AUH: variants seen among roughly 807,000 people sequenced by gnomAD.
AUH encodes the protein AU RNA binding methylglutaconyl-CoA hydratase.
AUH carries 29 observed loss-of-function variants against 42.3 expected under a neutral mutation model. The ratio of observed to expected loss-of-function variants is 0.69; its 90% CI spans 0.51 to 0.93. The LOEUF (loss-of-function observed/expected upper bound fraction) is 0.93. AUH is among the 40% of genes least tolerant of loss of function. The pLI, the probability that AUH is intolerant of heterozygous loss-of-function variation, is 0.00. For missense variants in AUH, 452 were observed against 438.1 expected, an observed-to-expected ratio of 1.03 and a Z score of -0.28; for synonymous variants, 174 against 166.4, an observed-to-expected ratio of 1.05 and a Z score of -0.35.
intron 4 of AUH, among the ~76,000 whole-genome samples, chr9:91,300,072 T>C (rs1041546370): frequency 2.0e-5 from 3 of 152,086 alleles, no homozygotes; most frequent in Non-Finnish European, 4.4e-5. Context: ...ACCTATTAAA[T>C]GTACTGCCTC....
At chr9:91,278,984 T>C (rs1825755984) in intron 6 of AUH, among the ~76,000 whole-genome samples, 1 of 152,162 alleles carries the variant, frequency 6.6e-6, no homozygotes, top group South Asian at 2.1e-4. Context: ...AGCAGTTCAG[T>C]GGTGGCATGA....
At chr9:91,267,453 C>G (rs1830037910) in intron 6 of AUH, among the ~76,000 whole-genome samples, 1 of 152,142 alleles carries the variant, frequency 6.6e-6, no homozygotes, top group Non-Finnish European at 1.5e-5. Flanking sequence ...CGGTGTCTTG[C>G]TCTTGTTTAA....
At chr9:91,305,272 A>G (rs959786688) in intron 4 of AUH, among the ~76,000 whole-genome samples, 1 of 152,228 alleles carries the variant, frequency 6.6e-6, no homozygotes, top group African/African-American at 2.4e-5. Flanking sequence ...GGTCAACAAT[A>G]TAACTACACA....
intron 3 of AUH, among the ~76,000 whole-genome samples, chr9:91,341,308 C>G (rs1370764262): frequency 6.6e-6 from 1 of 152,186 alleles, no homozygotes; most frequent in South Asian, 2.1e-4. Context: ...CTAGGGGGGG[C>G]CCATTCTCTG....
chr9:91,356,048 T>C, intron 2 of AUH, 40 bp downstream of exon 2: 1 of 1,593,520 alleles, frequency 6.3e-7, no homozygotes, highest in Non-Finnish European at 8.6e-7. Flanking sequence ...CAATAATATA[T>C]CTTAATATTA....
intron 4 of AUH, among the ~76,000 whole-genome samples, chr9:91,313,726 A>G (rs1471027986): frequency 1.3e-5 from 2 of 151,442 alleles, no homozygotes; most frequent in Non-Finnish European, 2.9e-5. Context: ...AAAAAAAAAA[A>G]AAAAAGAAAA....
At position 91,321,984 on chromosome 9, in the gene AUH, A is replaced by G. The variant is rs535147264; in HGVS notation, c.505+3334T>C. 6.6e-5 allele frequency among the ~76,000 whole-genome samples: 10 copies of G among 152,334 alleles called. No homozygotes were observed. The South Asian group carries it at 1.9e-3, about 28-fold the overall frequency. ...AGCCTGCCTGCCTGTGATTTTTAAC[A>G]TATTAAATGAGTGGATTCTATTAAG... On this transcript the variant is annotated intron_variant, in intron 4 of 9. Transcript: ENST00000375731.
intron 7 of AUH, among the ~76,000 whole-genome samples, chr9:91,218,226 T>C (rs1027388573): frequency 3.3e-5 from 5 of 152,198 alleles, no homozygotes; most frequent in Admixed American, 2.0e-4. Context: ...ATTTGACCTA[T>C]CTAAATTTTC....
At chr9:91,262,960 G>A (rs78988136) in intron 6 of AUH, among the ~76,000 whole-genome samples, 3,782 of 152,296 alleles carry the variant, frequency 0.025, 72 homozygotes, top group East Asian at 0.059. Context: ...CATGGCAACA[G>A]GTATGTTTCT....
intron 7 of AUH, among the ~76,000 whole-genome samples, chr9:91,219,883 T>C (rs993300198): frequency 1.3e-5 from 2 of 152,234 alleles, no homozygotes; most frequent in African/African-American, 4.8e-5. Flanking sequence ...ATTTGGAATC[T>C]CATGGCATTC....
At chr9:91,275,815 A>G (rs1293472245) in intron 6 of AUH, among the ~76,000 whole-genome samples, 2 of 152,208 alleles carry the variant, frequency 1.3e-5, no homozygotes, top group Admixed American at 6.5e-5. Flanking sequence ...AATTATGTTG[A>G]TGAAATGAAA....
In AUH at chr9:91,355,937, T is replaced by C; in HGVS notation, c.364A>G (p.Lys122Glu). 6.2e-7 allele frequency: 1 copy of C among 1,613,618 alleles called. No homozygotes were observed. Among genetic ancestry groups the C allele is most frequent in the Non-Finnish European group, 8.5e-7 (1 of 1,179,722 alleles). The change falls in exon 3 of 10, where the codon AAG becomes GAG. Residue 122 changes from lysine to glutamate, a missense_variant. By Grantham distance (56) the Lys-to-Glu change is moderately conservative. Coordinates refer to ENST00000375731, the MANE Select transcript of AUH (RefSeq NM_001698.3). ...CTGATTATTATGGTCCGTACTTTCT[T>C]ATCAGATTTCAAAGCATCCACAGCT... ...SKAVDALKSD[K>E]KVRTIIIRSE...
intron 6 of AUH, among the ~76,000 whole-genome samples, chr9:91,279,381 CA>C (rs1382125865): frequency 1.3e-5 from 2 of 151,998 alleles, no homozygotes; most frequent in East Asian, 3.9e-4. Context: ...ATGGGATTTC[CA>C]ACAGTATTAG....
intron 3 of AUH, among the ~76,000 whole-genome samples, chr9:91,353,295 C>T (rs866761648): frequency 4.6e-5 from 7 of 152,090 alleles, no homozygotes; most frequent in Middle Eastern, 3.4e-3. Context: ...ACTATGTTGG[C>T]CAGGCTGGTC....
At chr9:91,300,032 T>C (rs978151142) in intron 4 of AUH, among the ~76,000 whole-genome samples, 10 of 152,304 alleles carry the variant, frequency 6.6e-5, no homozygotes, top group African/African-American at 9.6e-5. Context: ...CATTATAAGA[T>C]TGTCCTATAG....
At chr9:91,270,852 T>C (rs1413047079) in intron 6 of AUH, among the ~76,000 whole-genome samples, 2 of 152,156 alleles carry the variant, frequency 1.3e-5, no homozygotes, top group South Asian at 2.1e-4. Context: ...TTTAAAAATA[T>C]ATTTTATGAA....
chr9:91,343,201 C>T (rs1214557114), intron 3 of AUH: 1 of 152,092 alleles, frequency 6.6e-6, no homozygotes, highest in African/African-American at 2.4e-5. Flanking sequence ...GAGGTGTCAT[C>T]TCTCCTAACC....
At chr9:91,252,512 T>C (rs1295449544) in intron 6 of AUH, among the ~76,000 whole-genome samples, 4 of 152,108 alleles carry the variant, frequency 2.6e-5, no homozygotes, top group Admixed American at 2.0e-4. Flanking sequence ...GAGGCTGTCA[T>C]TGGCAGTGTG....
chr9:91,315,416 G>A (rs191764571), intron 4 of AUH, among the ~76,000 whole-genome samples: 55 of 152,252 alleles, frequency 3.6e-4, no homozygotes, highest in Non-Finnish European at 1.2e-4. Flanking sequence ...ATGTATACCT[G>A]GCCACCCTGC....
Sources: gnomAD v4.1 joint callset for allele counts (sites outside exome capture counted in the v4.1 genomes callset) on GRCh38, gnomAD v4.1.1 for gene constraint, MANE v1.5 for transcripts, NCBI Gene and HGNC (gene_info 2026-07-23, HGNC 2026-07-21) for gene names.